Variants in ROBO1 observed in about 807,000 individuals in gnomAD.
The protein encoded by ROBO1 is roundabout guidance receptor 1.
ROBO1 carries 149 observed loss-of-function variants against 195.9 expected under a neutral mutation model. That is an observed-to-expected ratio of 0.76 (90% CI 0.67 to 0.87). ROBO1 has a LOEUF of 0.87. ROBO1 is among the 40% of genes least tolerant of loss of function. The pLI is 0.00. For missense variants in ROBO1, 1,933 were observed against 2,068.3 expected, an observed-to-expected ratio of 0.93 and a Z score of 1.27; for synonymous variants, 816 against 733.2, an observed-to-expected ratio of 1.11 and a Z score of -1.82.
At chr3:79,735,870 C>CAAAA (rs1220855864) in intron 1 of ROBO1, among the ~76,000 whole-genome samples, 3 of 70,766 alleles carry the variant, frequency 4.2e-5, no homozygotes, top group African/African-American at 1.1e-4. Context: ...GACTCCGTCT[C>CAAAA]AAAAAAAAAA....
intron 2 of ROBO1, among the ~76,000 whole-genome samples, chr3:79,586,668 G>A (rs1943839111): frequency 6.6e-6 from 1 of 151,408 alleles, no homozygotes; most frequent in Admixed American, 6.6e-5. Flanking sequence ...TACCATAGAG[G>A]TTTTTTAATT....
At chr3:79,292,565 T>C (rs1301285166) in intron 2 of ROBO1, among the ~76,000 whole-genome samples, 1 of 152,206 alleles carries the variant, frequency 6.6e-6, no homozygotes, top group Non-Finnish European at 1.5e-5. Flanking sequence ...ATACCTAGTT[T>C]ATTGAGGGTT....
At chr3:79,528,938 A>T (rs993297508) in intron 2 of ROBO1, among the ~76,000 whole-genome samples, 2 of 152,234 alleles carry the variant, frequency 1.3e-5, no homozygotes, top group African/African-American at 2.4e-5. Context: ...ACATTATTGC[A>T]TCTATAGACA....
intron 2 of ROBO1, among the ~76,000 whole-genome samples, chr3:79,212,003 A>T (rs1233101465): frequency 6.6e-6 from 1 of 152,218 alleles, no homozygotes; most frequent in Non-Finnish European, 1.5e-5. Context: ...CCTTACGGGA[A>T]ACAAAGGGAT....
intron 4 of ROBO1, among the ~76,000 whole-genome samples, chr3:78,859,141 G>T (rs962564660): frequency 1.3e-5 from 2 of 152,182 alleles, no homozygotes; most frequent in South Asian, 2.1e-4. Context: ...GTCATGCCAG[G>T]GTGACAGTAG....
intron 5 of ROBO1, among the ~76,000 whole-genome samples, chr3:78,737,298 G>C (rs1012146861): frequency 2.6e-5 from 4 of 152,098 alleles, no homozygotes; most frequent in African/African-American, 9.7e-5. Flanking sequence ...TCATCTTCTT[G>C]CTTCTTGAAG....
chr3:79,214,698 G>A (rs531829653), intron 2 of ROBO1, among the ~76,000 whole-genome samples: 2 of 148,912 alleles, frequency 1.3e-5, no homozygotes, highest in East Asian at 2.0e-4. Flanking sequence ...TCTGATTACC[G>A]TTTCTGTTAG....
At chr3:79,055,402 A>G (rs1211750041) in intron 3 of ROBO1, among the ~76,000 whole-genome samples, 1 of 152,084 alleles carries the variant, frequency 6.6e-6, no homozygotes, top group African/African-American at 2.4e-5. Flanking sequence ...AAGAAGTTTG[A>G]GGGCTGATGT....
intron 2 of ROBO1, among the ~76,000 whole-genome samples, chr3:79,412,170 A>G (rs2037794791): frequency 6.6e-6 from 1 of 152,144 alleles, no homozygotes; most frequent in South Asian, 2.1e-4. Context: ...AATTTTTAAA[A>G]AGCAGGTATA....
intron 8 of ROBO1, among the ~76,000 whole-genome samples, chr3:78,698,097 T>C (rs9864178): frequency 0.029 from 4,371 of 151,890 alleles, 204 homozygotes; most frequent in African/African-American, 0.1. Flanking sequence ...TTAACACATC[T>C]GATACACTAG....
intron 4 of ROBO1, among the ~76,000 whole-genome samples, chr3:78,923,278 AG>A (rs1218352727): frequency 6.6e-6 from 1 of 152,142 alleles, no homozygotes; most frequent in Non-Finnish European, 1.5e-5. Context: ...AGGAGTTACA[AG>A]GTCCTTATCC....
At chr3:78,842,710 C>T (rs1377186644) in intron 4 of ROBO1, among the ~76,000 whole-genome samples, 1 of 150,788 alleles carries the variant, frequency 6.6e-6, no homozygotes, top group Non-Finnish European at 1.5e-5. Context: ...AAAAAAATAA[C>T]TTTTGGTTAG....
At chr3:79,551,622 G>A (rs9862459) in intron 2 of ROBO1, among the ~76,000 whole-genome samples, 87,449 of 151,696 alleles carry the variant, frequency 0.58, 26,657 homozygotes, top group African/African-American at 0.79. Flanking sequence ...TAATCTAGGC[G>A]AAGAGAAAGC....
chr3:79,134,884 G>T, intron 2 of ROBO1, among the ~76,000 whole-genome samples: 1 of 119,178 alleles, frequency 8.4e-6, no homozygotes, highest in Non-Finnish European at 1.7e-5. Flanking sequence ...TCTGGGGACT[G>T]TGGTGGGGTC....
chr3:79,357,866 A>G (rs1354495777), intron 2 of ROBO1, among the ~76,000 whole-genome samples: 1 of 152,154 alleles, frequency 6.6e-6, no homozygotes, highest in Non-Finnish European at 1.5e-5. Flanking sequence ...ACTTTCTTAA[A>G]CTTCATAAGT....
intron 2 of ROBO1, among the ~76,000 whole-genome samples, chr3:79,130,133 C>T (rs2080301150): frequency 7.0e-5 from 1 of 14,212 alleles, no homozygotes; most frequent in Non-Finnish European, 1.5e-4. Context: ...CAGCTTTGTT[C>T]TTTTGGCTTA....
At chr3:78,932,494 G>A (rs943185866) in intron 4 of ROBO1, among the ~76,000 whole-genome samples, 2 of 152,184 alleles carry the variant, frequency 1.3e-5, no homozygotes, top group Non-Finnish European at 2.9e-5. Context: ...TTCCAGGATA[G>A]TGTATCCAGT....
At chr3:78,740,516 G>A (rs1388853393) in intron 5 of ROBO1, among the ~76,000 whole-genome samples, 1 of 148,608 alleles carries the variant, frequency 6.7e-6, no homozygotes, top group Non-Finnish European at 1.5e-5. Flanking sequence ...TTGTTGCCCA[G>A]GCTGGAGTGC....
At chr3:78,697,367 A>G (rs1575959525) in intron 8 of ROBO1, among the ~76,000 whole-genome samples, 1 of 152,262 alleles carries the variant, frequency 6.6e-6, no homozygotes, top group East Asian at 1.9e-4. Context: ...AAATGTTTGG[A>G]AAAACATTAT....
Sources: allele counts gnomAD v4.1 joint callset (sites outside exome capture counted in the v4.1 genomes callset), GRCh38; gene constraint gnomAD v4.1.1; transcripts MANE v1.5; gene names NCBI Gene and HGNC (gene_info 2026-07-23, HGNC 2026-07-21).